Variants in NLRP9 observed in about 807,000 individuals in gnomAD.
The protein encoded by NLRP9 is NACHT, LRR and PYD domains-containing protein 9.
In NLRP9, 88 loss-of-function variants were observed where a neutral mutation model predicts 83.1. The observed-to-expected ratio is 1.06, with a 90% confidence interval of 0.89 to 1.26. The LOEUF is 1.26. Ranked by LOEUF, NLRP9 falls within the 50% of genes most tolerant of loss-of-function variation. The pLI is 0.00. For missense variants in NLRP9, 1,308 were observed against 1,179.3 expected, an observed-to-expected ratio of 1.11 and a Z score of -1.60; for synonymous variants, 521 against 447.6, an observed-to-expected ratio of 1.16 and a Z score of -2.07.
chr19:55,730,879 C>T (rs1333228169), intron 2 of NLRP9, among the ~76,000 whole-genome samples: 1 of 152,028 alleles, frequency 6.6e-6, no homozygotes, highest in Non-Finnish European at 1.5e-5. Context: ...ACCTATGTCA[C>T]AAACCTGCAC....
At chr19:55,723,279 T>C (rs901082857) in intron 4 of NLRP9, among the ~76,000 whole-genome samples, 1 of 152,194 alleles carries the variant, frequency 6.6e-6, no homozygotes, top group East Asian at 1.9e-4. Context: ...GCTTTAATGC[T>C]GTCAACTGCC....
chr19:55,732,069 A>C lies in NLRP9; in HGVS notation c.1762T>G (p.Cys588Gly). 6.2e-7 allele frequency: 1 copy of C among 1,607,362 alleles called. No individual in the cohort carries two copies. The highest frequency in any genetic ancestry group is 1.7e-5 in the Admixed American group (1 of 58,182). ...ATGCGAAGTGTCGTTAAATGTTGACAATGCTTCAGGCAGAATGAAGCTATT... is the reference window on the plus strand; with the variant it reads ...ATGCGAAGTGTCGTTAAATGTTGACCATGCTTCAGGCAGAATGAAGCTATT... ...LVIASFCLKH[C>G]QHLTTLRMCV... Residue 588 changes from cysteine to glycine, a missense_variant, in exon 2 of 9, where the codon TGT becomes GGT. Cys to Gly is a radical substitution (Grantham distance 159, BLOSUM62 -3). Coordinates refer to ENST00000332836, the MANE Select transcript of NLRP9 (RefSeq NM_176820.4).
At chr19:55,718,172 G>A (rs1988091718) in intron 4 of NLRP9, among the ~76,000 whole-genome samples, 1 of 152,196 alleles carries the variant, frequency 6.6e-6, no homozygotes, top group South Asian at 2.1e-4. Context: ...ATTAACCAGG[G>A]ACACAATGCA....
chr19:55,711,786 C>G lies in NLRP9; in HGVS notation c.2843+14G>C, dbSNP rs527400260. 1.9e-6 allele frequency: 3 copies of G among 1,611,324 alleles called. No homozygotes were observed. Among genetic ancestry groups the G allele is most frequent in the East Asian group, 4.5e-5 (2 of 44,826 alleles). ...CTGAAGTCACTCACCCCAAAGGAAACAGTGTCCACTCACCCCAGCATCTGC... is the reference window on the plus strand; with the variant it reads ...CTGAAGTCACTCACCCCAAAGGAAAGAGTGTCCACTCACCCCAGCATCTGC... On this transcript the variant is annotated intron_variant, in intron 8 of 8. Coordinates refer to ENST00000332836, the MANE Select transcript of NLRP9 (RefSeq NM_176820.4).
At chr19:55,710,686 T>G (rs1294543657) in intron 8 of NLRP9, among the ~76,000 whole-genome samples, 36 of 152,258 alleles carry the variant, frequency 2.4e-4, no homozygotes. Flanking sequence ...TGCTTCACAT[T>G]CCGCCATGAT....
rs1288911342 is a variant in NLRP9 at position 55,709,791 on chromosome 19, ATC to A, written c.2844-749_2844-748del. 6 of 152,166 alleles carry A rather than the reference ATC, an allele frequency of 3.9e-5. No homozygotes were observed. The South Asian group carries it at 6.2e-4, about 16-fold the overall frequency. 9.4% of individuals were successfully genotyped at this position (152,166 alleles called of 1,614,324 possible). A position where few individuals can be genotyped will look rare whatever the true frequency, so the allele number is the denominator to read the frequency against. On this transcript the variant is annotated intron_variant, in intron 8 of 8. Coordinates refer to ENST00000332836, the MANE Select transcript of NLRP9 (RefSeq NM_176820.4). ...CTATCGTTCTTGCTTTATACGTTGA[ATC>A]TCTGTCTCTTTATAACTTCTAAATG...
intron 1 of NLRP9, chr19:55,737,733 CTA>C (rs1491113143): frequency 1.1e-5 from 1 of 87,676 alleles, no homozygotes; most frequent in Non-Finnish European, 2.1e-5. Context: ...GACCCTTTCT[CTA>C]AAAAAAAAAA....
chr19:55,714,653 C>T (rs959990129), intron 6 of NLRP9, among the ~76,000 whole-genome samples: 2 of 152,018 alleles, frequency 1.3e-5, no homozygotes, highest in African/African-American at 4.8e-5. Context: ...TAACAAAATG[C>T]CATAGACTGA....
In NLRP9 at chr19:55,723,824, T is replaced by C. The variant is rs1043445155; in HGVS notation, c.2159+156A>G. On this transcript the variant is annotated intron_variant, in intron 4 of 8. Coordinates refer to ENST00000332836, the MANE Select transcript of NLRP9 (RefSeq NM_176820.4). Reference sequence around the variant, plus strand: ...TGAGAGGAGGCCTTGCCCGGCAGAATCTACCTTCACCTTATGAGAGAGACA... The same window carrying C: ...TGAGAGGAGGCCTTGCCCGGCAGAACCTACCTTCACCTTATGAGAGAGACA... 4.0e-5 allele frequency among the ~76,000 whole-genome samples: 6 copies of C among 150,066 alleles called. No individual in the cohort carries two copies. The highest frequency in any genetic ancestry group is 4.2e-4 in the South Asian group (2 of 4,716).
chr19:55,715,828 C>A (rs866198877), intron 5 of NLRP9, among the ~76,000 whole-genome samples: 6 of 152,220 alleles, frequency 3.9e-5, no homozygotes, highest in Non-Finnish European at 7.3e-5. Flanking sequence ...GCAAAAGTCA[C>A]CCATTCTTTG....
At chr19:55,720,415 C>A (rs936948592) in intron 4 of NLRP9, among the ~76,000 whole-genome samples, 1 of 152,164 alleles carries the variant, frequency 6.6e-6, no homozygotes, top group African/African-American at 2.4e-5. Context: ...AACCTTGGAC[C>A]TTTGGGCTCA....
At chr19:55,730,051 A>G in intron 2 of NLRP9, 59 bp from the exon 3 acceptor site, 5 of 1,490,388 alleles carry the variant, frequency 3.4e-6, no homozygotes, top group Non-Finnish European at 4.6e-6. Context: ...AGACATTCTC[A>G]AAACAGGTCG....
At chr19:55,728,630 C>A (rs997696447) in intron 3 of NLRP9, among the ~76,000 whole-genome samples, 7 of 152,130 alleles carry the variant, frequency 4.6e-5, no homozygotes, top group African/African-American at 1.7e-4. Flanking sequence ...CAGCCAAGGA[C>A]CAACTTAGCA....
intron 5 of NLRP9, 86 bp from the exon 6 acceptor site, chr19:55,715,311 G>T: frequency 8.7e-7 from 1 of 1,149,356 alleles, no homozygotes; most frequent in Non-Finnish European, 1.2e-6. Context: ...GCCCACTGAA[G>T]CTTCCTATGG....
At chr19:55,721,191 G>A (rs1259638176) in intron 4 of NLRP9, among the ~76,000 whole-genome samples, 1 of 152,266 alleles carries the variant, frequency 6.6e-6, no homozygotes, top group Non-Finnish European at 1.5e-5. Flanking sequence ...ATGCACTATT[G>A]TTATGTAAGA....
chr19:55,713,061 T>A (rs1468425169), intron 6 of NLRP9, among the ~76,000 whole-genome samples: 1 of 147,420 alleles, frequency 6.8e-6, no homozygotes, highest in Non-Finnish European at 1.5e-5. Flanking sequence ...TCCCTGCACT[T>A]CTTCTCTCCT....
At chr19:55,711,596 T>G (rs1199384152) in intron 8 of NLRP9, 9 of 902,792 alleles carry the variant, frequency 1.0e-5, no homozygotes, top group African/African-American at 9.9e-5. Context: ...TACTGGCAAC[T>G]CATGAGAAAG....
intron 1 of NLRP9, among the ~76,000 whole-genome samples, chr19:55,734,296 G>A (rs1056478365): frequency 1.1e-4 from 15 of 142,244 alleles, no homozygotes; most frequent in Admixed American, 6.0e-4. Flanking sequence ...CCTAGGAAGC[G>A]GAGATTGCAA....
rs763594193 is a variant in NLRP9, at chr19:55,711,793, C to T, written c.2843+7G>A. 2 of 1,612,364 alleles carry T rather than the reference C, an allele frequency of 1.2e-6. No individual in the cohort carries two copies. Among genetic ancestry groups the T allele is most frequent in the Non-Finnish European group, 1.7e-6 (2 of 1,179,344 alleles). ...CACTCACCCCAAAGGAAACAGTGTC[C>T]ACTCACCCCAGCATCTGCAGGGCAC... On this transcript the variant is annotated splice_region_variant and intron_variant, in intron 8 of 8. Coordinates refer to ENST00000332836, the MANE Select transcript of NLRP9 (RefSeq NM_176820.4).
Sources: gnomAD v4.1 joint callset for allele counts (sites outside exome capture counted in the v4.1 genomes callset) on GRCh38, gnomAD v4.1.1 for gene constraint, MANE v1.5 for transcripts, NCBI Gene and HGNC (gene_info 2026-07-23, HGNC 2026-07-21) for gene names.